The following PAK5 variants were observed in gnomAD, a reference collection of about 807,000 sequenced individuals.
PAK5 encodes the protein serine/threonine-protein kinase PAK 5.
PAK5 carries 16 observed loss-of-function variants against 65.9 expected under a neutral mutation model. The observed-to-expected ratio is 0.24, with a 90% CI of 0.16 to 0.37. The LOEUF is 0.37. Ranked by LOEUF, PAK5 falls within the 10% of genes least tolerant of loss-of-function variation. PAK5 has a pLI of 1.00. For synonymous variants in PAK5, 371 were observed against 354.9 expected (o/e 1.05, Z -0.51); for missense variants, 785 against 903.9 (o/e 0.87, Z 1.69).
At chr20:9,648,732 A>C (rs1407717585) in intron 2 of PAK5, among the ~76,000 whole-genome samples, 1 of 152,224 alleles carries the variant, frequency 6.6e-6, no homozygotes, top group African/African-American at 2.4e-5. Flanking sequence ...CTGGAGATTT[A>C]GAATCTCAAA....
At position 9,544,546 on chromosome 20, in the gene PAK5, A is replaced by G. The variant is rs2122894171; in HGVS notation, c.1744-52T>C. 1.9e-6 allele frequency: 3 copies of G among 1,549,870 alleles called. No homozygotes were observed. In the South Asian group the frequency reaches 3.3e-5, roughly 17 times the overall value. ...TAGCAATTTTAAAACAATGTCTGCT[A>G]GACACGAAAATACAAACATACAGAG... On this transcript the variant is annotated intron_variant, in intron 7 of 9. Transcript: ENST00000353224.
chr20:9,789,779 C>G (rs1448269178), intron 1 of PAK5, among the ~76,000 whole-genome samples: 2 of 152,018 alleles, frequency 1.3e-5, no homozygotes, highest in East Asian at 2.0e-4. Context: ...AATAAAGCAT[C>G]CCTTCTCCCT....
chr20:9,715,112 T>C (rs2048126424), intron 1 of PAK5, among the ~76,000 whole-genome samples: 1 of 152,122 alleles, frequency 6.6e-6, no homozygotes. Context: ...ACAGGCAACC[T>C]ACAGAATCGG....
At chr20:9,706,561 C>T (rs1328474149) in intron 2 of PAK5, among the ~76,000 whole-genome samples, 2 of 151,516 alleles carry the variant, frequency 1.3e-5, no homozygotes, top group Non-Finnish European at 2.9e-5. Flanking sequence ...TCACTGAAAC[C>T]TCTGCCTCCC....
At chr20:9,601,094 A>T (rs141280830) in intron 3 of PAK5, among the ~76,000 whole-genome samples, 8 of 152,282 alleles carry the variant, frequency 5.3e-5, no homozygotes, top group Middle Eastern at 3.4e-3. Context: ...GGAGGGTGAG[A>T]TAGAGGTGTA....
intron 4 of PAK5, among the ~76,000 whole-genome samples, chr20:9,568,764 C>A (rs925435801): frequency 6.6e-5 from 10 of 152,144 alleles, no homozygotes; most frequent in African/African-American, 2.4e-4. Flanking sequence ...CCCAGGAGCT[C>A]AAGGCTGCAG....
intron 3 of PAK5, among the ~76,000 whole-genome samples, chr20:9,605,415 A>G (rs979738199): frequency 3.3e-5 from 5 of 152,314 alleles, no homozygotes; most frequent in South Asian, 2.1e-4. Context: ...TTGCACATGG[A>G]TAGATGTAGG....
chr20:9,663,739 T>C (rs751502811), intron 2 of PAK5, among the ~76,000 whole-genome samples: 3 of 152,182 alleles, frequency 2.0e-5, no homozygotes, highest in Admixed American at 6.5e-5. Context: ...TACATTACCA[T>C]TGAGAGGGTC....
At chr20:9,723,022 G>A (rs1240582464) in intron 1 of PAK5, among the ~76,000 whole-genome samples, 3 of 152,112 alleles carry the variant, frequency 2.0e-5, no homozygotes, top group Admixed American at 1.3e-4. Flanking sequence ...GTGAGCCACC[G>A]TGCCTGGTGT....
chr20:9,751,218 T>A (rs1352884149), intron 1 of PAK5, among the ~76,000 whole-genome samples: 1 of 152,188 alleles, frequency 6.6e-6, no homozygotes, highest in Non-Finnish European at 1.5e-5. Context: ...AAATGTAGTC[T>A]TATGACTCAA....
At chr20:9,796,654 C>T (rs1173414299) in intron 1 of PAK5, among the ~76,000 whole-genome samples, 1 of 151,984 alleles carries the variant, frequency 6.6e-6, no homozygotes, top group African/African-American at 2.4e-5. Context: ...GAAAGGCCAG[C>T]AAGGAAAGTT....
chr20:9,581,013 C>T (rs1244598553), intron 3 of PAK5, 83 bp from the exon 4 acceptor site: 1 of 1,001,756 alleles, frequency 1.0e-6, no homozygotes, highest in Non-Finnish European at 1.5e-6. Context: ...CCACTCCATC[C>T]AAATTAAACT....
chr20:9,618,928 T>TG (rs2046718975), intron 3 of PAK5, among the ~76,000 whole-genome samples: 3 of 104,984 alleles, frequency 2.9e-5, no homozygotes, highest in African/African-American at 7.2e-5. Context: ...TTTTTTTTTT[T>TG]TTTTTTTTTT....
chr20:9,675,663 C>T (rs984076908), intron 2 of PAK5, among the ~76,000 whole-genome samples: 5 of 152,100 alleles, frequency 3.3e-5, no homozygotes, highest in Admixed American at 1.3e-4. Flanking sequence ...ATTAATTGTT[C>T]CAAATATTCA....
At chr20:9,814,260 A>T (rs545776539) in intron 1 of PAK5, among the ~76,000 whole-genome samples, 3 of 152,328 alleles carry the variant, frequency 2.0e-5, no homozygotes, top group Non-Finnish European at 2.9e-5. Flanking sequence ...GAAAGATTCT[A>T]CATAGGAATT....
At chr20:9,721,584 A>T (rs995717769) in intron 1 of PAK5, among the ~76,000 whole-genome samples, 4 of 131,800 alleles carry the variant, frequency 3.0e-5, no homozygotes, top group African/African-American at 1.1e-4. Flanking sequence ...ACCCGGGAGG[A>T]GGAGGTTGCA....
intron 1 of PAK5, among the ~76,000 whole-genome samples, chr20:9,793,492 A>T (rs1315968229): frequency 6.6e-6 from 1 of 152,122 alleles, no homozygotes; most frequent in Non-Finnish European, 1.5e-5. Context: ...AAGAATTCAT[A>T]TCCTTTGCCC....
chr20:9,634,628 A>T (rs1176556553), intron 3 of PAK5, among the ~76,000 whole-genome samples: 1 of 152,222 alleles, frequency 6.6e-6, no homozygotes, highest in Non-Finnish European at 1.5e-5. Context: ...TAATATAATC[A>T]AAAACTGCTT....
In PAK5 at chr20:9,539,210, G is replaced by T; in HGVS notation, c.*252C>A. On this transcript the variant is annotated 3_prime_UTR_variant, in exon 10 of 10. Coordinates refer to ENST00000353224, the MANE Select transcript of PAK5 (RefSeq NM_177990.4). ...ACTGAGTCCTTCTGATTTGCTGGAT[G>T]AAGGGCTGAAAAATATAATAATGAC... The T allele has an allele frequency of 2.6e-6, 1 of 379,160 alleles. No individual in the cohort carries two copies. The highest frequency in any genetic ancestry group is 4.9e-6 in the Non-Finnish European group (1 of 204,998). The allele number at this position is 379,160 out of a possible 1,614,324, so 23.5% of individuals were successfully genotyped here. A position where few individuals can be genotyped will look rare whatever the true frequency, so the allele number is the denominator to read the frequency against.
Sources: allele counts gnomAD v4.1 joint callset (sites outside exome capture counted in the v4.1 genomes callset), GRCh38; gene constraint gnomAD v4.1.1; transcripts MANE v1.5; gene names NCBI Gene and HGNC (gene_info 2026-07-23, HGNC 2026-07-21).